PM20D2: variants seen among roughly 807,000 people sequenced by gnomAD.
The protein encoded by PM20D2 is peptidase M20 domain containing 2.
In PM20D2, 33 loss-of-function variants were observed where a neutral mutation model predicts 42.9. That is an observed-to-expected ratio of 0.77 (90% CI 0.58 to 1.03). PM20D2 has a LOEUF of 1.03. Ranked by LOEUF, PM20D2 falls within the 50% of genes least tolerant of loss-of-function variation. The pLI, the probability that PM20D2 is intolerant of heterozygous loss-of-function variation, is 0.00. For synonymous variants in PM20D2, 250 were observed against 228.2 expected, an observed-to-expected ratio of 1.10 and a Z score of -0.86; for missense variants, 548 against 557.0, an observed-to-expected ratio of 0.98 and a Z score of 0.16.
upstream of PM20D2, among the ~76,000 whole-genome samples, chr6:89,141,896 C>G (rs974011813): frequency 6.6e-6 from 1 of 152,128 alleles, no homozygotes; most frequent in East Asian, 1.9e-4. Flanking sequence ...TTTGACCTCC[C>G]GGGCTCAAGC....
At position 89,146,233 on chromosome 6, in the gene PM20D2, G is replaced by A. The variant is rs1582328170; in HGVS notation, c.89G>A (p.Cys30Tyr). The change falls in exon 1 of 7, where the codon TGC (cysteine) becomes TAC (tyrosine). Residue 30 changes from cysteine to tyrosine, a missense_variant. Around this residue, in one of 3 missense-constraint regions of PM20D2, gnomAD observed 470 missense variants for 464.4 expected, o/e 1.01. Transcript: ENST00000275072. ...CTACTGAAGCTGCGCTCGGCGGAGT[G>A]CATCGACGAGGCGGCCGAGCGGCTG... Reference protein sequence around the residue: ...LELLKLRSAECIDEAAERLGA... With the variant: ...LELLKLRSAEYIDEAAERLGA... 1.3e-6 allele frequency: 2 copies of A among 1,580,886 alleles called. No homozygotes were observed. The highest frequency in any genetic ancestry group is 4.6e-5 in the East Asian group (2 of 43,794).
intron 6 of PM20D2, 61 bp from the exon 7 acceptor site, chr6:89,162,048 C>T: frequency 6.4e-7 from 1 of 1,566,058 alleles, no homozygotes; most frequent in Non-Finnish European, 8.7e-7. Context: ...GGGTAGCTAA[C>T]CTGTGAAATT....
At chr6:89,099,000 G>A in the PM20D2 span, 1 of 1,518,858 alleles carries the variant, frequency 6.6e-7, no homozygotes, top group Non-Finnish European at 8.8e-7. Flanking sequence ...TAAGAGATCA[G>A]GAAATAACAC....
At chr6:89,149,438 C>A in intron 2 of PM20D2, 25 bp downstream of exon 2, 3 of 1,610,658 alleles carry the variant, frequency 1.9e-6, no homozygotes, top group Non-Finnish European at 1.7e-6. Flanking sequence ...TGAAGATAAA[C>A]TTCTTAGGGG....
the PM20D2 span, among the ~76,000 whole-genome samples, chr6:89,127,625 G>C: frequency 9.2e-5 from 14 of 152,254 alleles, no homozygotes; most frequent in African/African-American, 2.6e-4. Context: ...ACTGCACCTA[G>C]CTGAAATGCT....
upstream of PM20D2, among the ~76,000 whole-genome samples, chr6:89,145,647 G>A (rs543112496): frequency 5.3e-4 from 81 of 152,258 alleles, no homozygotes; most frequent in African/African-American, 1.9e-3. Context: ...CAGTACCGTC[G>A]TTAGTACAGC....
the PM20D2 span, among the ~76,000 whole-genome samples, chr6:89,138,755 C>T: frequency 1.3e-5 from 2 of 152,090 alleles, no homozygotes; most frequent in Admixed American, 6.6e-5. Context: ...GTCCCAACTA[C>T]TTGGGTGGCT....
chr6:89,106,240 G>A, the PM20D2 span, among the ~76,000 whole-genome samples: 1 of 151,786 alleles, frequency 6.6e-6, no homozygotes, highest in Non-Finnish European at 1.5e-5. Flanking sequence ...AGCCTTCCAA[G>A]TAGCTGGGAC....
At chr6:89,132,042 GA>G in the PM20D2 span, among the ~76,000 whole-genome samples, 14 of 152,138 alleles carry the variant, frequency 9.2e-5, no homozygotes, top group African/African-American at 3.4e-4. Flanking sequence ...CCTCCAAAGA[GA>G]AAGTAATCAA....
the PM20D2 span, among the ~76,000 whole-genome samples, chr6:89,123,577 C>G: frequency 2.7e-5 from 4 of 150,432 alleles, no homozygotes; most frequent in Non-Finnish European, 5.9e-5. Flanking sequence ...AACAAATTAG[C>G]TGGGCATGGT....
chr6:89,123,662 C>CAGTG, the PM20D2 span, among the ~76,000 whole-genome samples: 1 of 134,818 alleles, frequency 7.4e-6, no homozygotes, highest in East Asian at 2.2e-4. Flanking sequence ...GTGGAGGTTG[C>CAGTG]AGTGAGCTGA....
intron 2 of PM20D2, among the ~76,000 whole-genome samples, chr6:89,152,224 G>C (rs571455409): frequency 3.7e-4 from 57 of 152,108 alleles, no homozygotes; most frequent in Middle Eastern, 3.2e-3. Context: ...AGAATGTCTG[G>C]AATCAGTTGA....
At chr6:89,147,225 A>G (rs1311682215) in intron 1 of PM20D2, among the ~76,000 whole-genome samples, 1 of 152,166 alleles carries the variant, frequency 6.6e-6, no homozygotes, top group Non-Finnish European at 1.5e-5. Flanking sequence ...TTTAAGAAAT[A>G]CCTCGACTCT....
the PM20D2 span, among the ~76,000 whole-genome samples, chr6:89,133,435 TAG>T: frequency 6.4e-3 from 961 of 151,158 alleles, 37 homozygotes; most frequent in East Asian, 0.052. Flanking sequence ...GTGGATTCTA[TAG>T]AGTCTTCAGA....
intron 2 of PM20D2, among the ~76,000 whole-genome samples, chr6:89,151,728 G>A (rs78776770): frequency 0.034 from 5,158 of 152,178 alleles, 226 homozygotes; most frequent in African/African-American, 0.1. Flanking sequence ...AAATTAAATA[G>A]TATGTCTTGA....
At chr6:89,107,086 C>T in the PM20D2 span, 1 of 1,311,260 alleles carries the variant, frequency 7.6e-7, no homozygotes, top group South Asian at 1.2e-5. Flanking sequence ...ACATATGCTA[C>T]TGAATACATA....
the PM20D2 span, chr6:89,095,831 GTC>G: frequency 1.3e-5 from 2 of 152,200 alleles, no homozygotes. Flanking sequence ...TGTCATGGCA[GTC>G]TCTATTTTCT....
chr6:89,112,924 T>C, the PM20D2 span, among the ~76,000 whole-genome samples: 3 of 152,164 alleles, frequency 2.0e-5, no homozygotes, highest in Non-Finnish European at 2.9e-5. Context: ...TGTAGGTAAA[T>C]GTCTTAAAAT....
chr6:89,109,988 G>A, the PM20D2 span, among the ~76,000 whole-genome samples: 2 of 152,142 alleles, frequency 1.3e-5, no homozygotes, highest in African/African-American at 2.4e-5. Context: ...CTACTCAGGA[G>A]GCTGAGGCAG....
Sources: gnomAD v4.1 joint callset for allele counts (sites outside exome capture counted in the v4.1 genomes callset) on GRCh38, gnomAD v4.1.1 for gene constraint, gnomAD v4.1.1 regional missense constraint, MANE v1.5 for transcripts, NCBI Gene and HGNC (gene_info 2026-07-23, HGNC 2026-07-21) for gene names.